The following LRRC49 variants were observed in gnomAD, a reference collection of about 807,000 sequenced individuals.
The protein encoded by LRRC49 is leucine rich repeat containing 49.
LRRC49 carries 50 observed loss-of-function variants against 83.3 expected under a neutral mutation model. The observed-to-expected ratio is 0.60, with a 90% CI of 0.48 to 0.76. The LOEUF is 0.76. Among genes scored for constraint, LRRC49 ranks in the 30% least tolerant of loss-of-function variants. The pLI, the probability that LRRC49 is intolerant of heterozygous loss-of-function variation, is 0.00. For missense variants in LRRC49, 704 were observed against 809.1 expected (o/e 0.87, Z 1.58); for synonymous variants, 286 against 283.3 (o/e 1.01, Z -0.10).
At chr15:70,901,091 A>C in intron 4 of LRRC49, 67 bp downstream of exon 4, 2 of 875,244 alleles carry the variant, frequency 2.3e-6, no homozygotes, top group Non-Finnish European at 3.6e-6. Context: ...ACAAGACTTG[A>C]AAGATGCAAG....
Position 71,052,332 on chromosome 15 carries a change from G to T in LRRC49, c.*2720G>T, listed in dbSNP as rs1459453521. On this transcript the variant is annotated 3_prime_UTR_variant, in exon 16 of 16. Coordinates refer to ENST00000260382, the MANE Select transcript of LRRC49 (RefSeq NM_017691.5). ...TTTGCCTCAAAAGCAGAAACATTTA[G>T]TACCCCCATTTAGGGAGATACTGTA... is the stretch of plus-strand genomic sequence containing the variant. The T allele has an allele frequency of 6.6e-6, 1 of 152,172 alleles. No homozygotes were observed. The highest frequency in any genetic ancestry group is 1.9e-4 in the East Asian group (1 of 5,196). The allele number at this position is 152,172 out of a possible 1,614,324, so 9.4% of individuals were successfully genotyped here.
intron 8 of LRRC49, among the ~76,000 whole-genome samples, chr15:70,949,267 G>A (rs895145424): frequency 6.6e-6 from 1 of 152,064 alleles, no homozygotes; most frequent in South Asian, 2.1e-4. Context: ...CAACATTTTG[G>A]TCAACGATGG....
chr15:70,892,612 C>T, upstream of LRRC49: 1 of 1,454,828 alleles, frequency 6.9e-7, no homozygotes, highest in Non-Finnish European at 9.0e-7. Context: ...TGGCCAGCCT[C>T]TTCCCCAGCT....
At chr15:70,911,660 A>C in intron 6 of LRRC49, 62 bp downstream of exon 6, 1 of 997,326 alleles carries the variant, frequency 1.0e-6, no homozygotes, top group Non-Finnish European at 1.5e-6. Flanking sequence ...ATGGTATAAA[A>C]GTTTTAAGAA....
rs760790905 is a variant in LRRC49, at chr15:70,892,845, A to G, written c.-50A>G. The G allele has an allele frequency of 2.5e-6, 4 of 1,614,164 alleles. No homozygotes were observed. In the South Asian group the frequency reaches 3.3e-5, roughly 13 times the overall value. The stretch of plus-strand genomic sequence containing the variant: ...TCGGGTCTCTTTGAATCTCCGCTGT[A>G]GCGTCACCTGGAAGGCAGATCTAAC... On this transcript the variant is annotated 5_prime_UTR_variant, in exon 1 of 16. Coordinates refer to ENST00000260382, the MANE Select transcript of LRRC49 (RefSeq NM_017691.5).
At chr15:70,936,206 C>T (rs563470191) in intron 7 of LRRC49, among the ~76,000 whole-genome samples, 1 of 152,206 alleles carries the variant, frequency 6.6e-6, no homozygotes, top group South Asian at 2.1e-4. Context: ...ATTGCCCTTA[C>T]AGTACCCTTC....
In LRRC49 at chr15:71,009,787, T is replaced by A. The variant is rs2038588224; in HGVS notation, c.1408-20T>A. 6.4e-7 allele frequency: 1 copy of A among 1,561,200 alleles called. No homozygotes were observed. The highest frequency in any genetic ancestry group is 1.1e-5 in the South Asian group (1 of 86,996). ...GTTAAAATCAATGTTCTGATCTGTA[T>A]TTGTGTTTTATCATTGCAGCACCTT... On this transcript the variant is annotated intron_variant, in intron 12 of 15. Coordinates refer to ENST00000260382, the MANE Select transcript of LRRC49 (RefSeq NM_017691.5).
intron 2 of LRRC49, among the ~76,000 whole-genome samples, chr15:70,884,328 T>C (rs1211850716): frequency 6.6e-6 from 1 of 151,664 alleles, no homozygotes; most frequent in Non-Finnish European, 1.5e-5. Flanking sequence ...AGGTCAGGAG[T>C]TCGAGATCAG....
At chr15:70,853,959 C>T (rs2032569864) in intron 1 of LRRC49, 3 of 1,454,042 alleles carry the variant, frequency 2.1e-6, no homozygotes, top group Admixed American at 4.9e-5. Flanking sequence ...GCCGGGTCCC[C>T]GGCGCCCCGA....
upstream of LRRC49, among the ~76,000 whole-genome samples, chr15:70,888,753 A>C (rs2033474820): frequency 6.6e-6 from 1 of 152,192 alleles, no homozygotes; most frequent in African/African-American, 2.4e-5. Context: ...AAAATTCTAA[A>C]TCAACAAGAA....
chr15:70,952,970 C>A (rs372625766), intron 8 of LRRC49, among the ~76,000 whole-genome samples: 11 of 151,980 alleles, frequency 7.2e-5, no homozygotes, highest in African/African-American at 2.7e-4. Flanking sequence ...TTTTTGTTTC[C>A]TATTAGCCTG....
intron 7 of LRRC49, among the ~76,000 whole-genome samples, chr15:70,931,318 T>A (rs1156616822): frequency 1.3e-5 from 2 of 152,206 alleles, no homozygotes; most frequent in Middle Eastern, 6.3e-3. Context: ...ATTTGTTGAT[T>A]AAGTTTGCAA....
chr15:70,892,805 G>A, upstream of LRRC49: 1 of 1,613,122 alleles, frequency 6.2e-7, no homozygotes, highest in Admixed American at 1.7e-5. Context: ...CAGGTTGCCT[G>A]GGAGATGACC....
At chr15:70,965,763 A>G in intron 9 of LRRC49, among the ~76,000 whole-genome samples, 1 of 152,064 alleles carries the variant, frequency 6.6e-6, no homozygotes, top group East Asian at 1.9e-4. Flanking sequence ...CTTTGTGAAG[A>G]TTCTCTTTTT....
At chr15:70,930,603 T>C (rs1025659770) in intron 7 of LRRC49, among the ~76,000 whole-genome samples, 3 of 152,228 alleles carry the variant, frequency 2.0e-5, no homozygotes, top group African/African-American at 7.2e-5. Context: ...CTCCTCTCCA[T>C]CTATAAAAGT....
In LRRC49 at chr15:70,855,628, ACCCAGGGGC is replaced by A. The variant is rs572980791; in HGVS notation, c.-299+2162_-299+2170del. ...GGTGTCTGGGCAGGGCTGGGGAGAGACCCAGGGGCCCAGCGAGGACAGCCCCTCTTCTTA... is the reference window on the plus strand; with the variant it reads ...GGTGTCTGGGCAGGGCTGGGGAGAGACCAGCGAGGACAGCCCCTCTTCTTA... On this transcript the variant is annotated intron_variant, in intron 1 of 16. Coordinates refer to the LRRC49 transcript ENST00000544974. 4.6e-5 allele frequency among the ~76,000 whole-genome samples: 7 copies of A among 152,292 alleles called. No homozygotes were observed. The South Asian group carries it at 1.2e-3, about 27-fold the overall frequency.
chr15:70,904,763 T>C lies in LRRC49; in HGVS notation c.500+8T>C. The C allele has an allele frequency of 1.2e-6, 2 of 1,602,826 alleles. No individual in the cohort carries two copies. Among genetic ancestry groups the C allele is most frequent in the Non-Finnish European group, 1.7e-6 (2 of 1,171,736 alleles). ...TCTGTTGGGGAAAAACAGGTATTCT[T>C]TGTAGAGCAGTTTTTGTAGCCTAAT... On this transcript the variant is annotated splice_region_variant and intron_variant, in intron 5 of 15. Transcript: ENST00000260382.
At chr15:70,903,795 C>G (rs1010097841) in intron 4 of LRRC49, among the ~76,000 whole-genome samples, 8 of 152,056 alleles carry the variant, frequency 5.3e-5, no homozygotes, top group Admixed American at 2.0e-4. Flanking sequence ...TTAAAGGGCC[C>G]TGAACTTATT....
intron 8 of LRRC49, among the ~76,000 whole-genome samples, chr15:70,940,983 A>C (rs1596045200): frequency 6.6e-6 from 1 of 152,262 alleles, no homozygotes; most frequent in African/African-American, 2.4e-5. Flanking sequence ...TGTAAGGAGG[A>C]CCCATAAAAA....
Sources: allele counts gnomAD v4.1 joint callset (sites outside exome capture counted in the v4.1 genomes callset), GRCh38; gene constraint gnomAD v4.1.1; transcripts MANE v1.5; gene names NCBI Gene and HGNC (gene_info 2026-07-23, HGNC 2026-07-21).